Variants in PCDH9 observed in about 807,000 individuals in gnomAD.
PCDH9 encodes the protein protocadherin-9.
In PCDH9, 24 loss-of-function variants were observed where a neutral mutation model predicts 70.6. That is an observed-to-expected ratio of 0.34 (90% CI 0.25 to 0.48). The LOEUF (loss-of-function observed/expected upper bound fraction) is 0.48, where lower values mean the gene tolerates loss of function less well. Ranked by LOEUF, PCDH9 falls within the 20% of genes least tolerant of loss-of-function variation. The probability of loss-of-function intolerance (pLI) is 0.99; values close to 1 mark genes in which losing one functional copy is unlikely to be tolerated. For synonymous variants in PCDH9, 562 were observed against 558.5 expected (o/e 1.01, Z -0.09); for missense variants, 1,281 against 1,503.6 (o/e 0.85, Z 2.45).
intron 2 of PCDH9, among the ~76,000 whole-genome samples, chr13:67,109,596 A>C (rs576522879): frequency 3.9e-5 from 6 of 152,026 alleles, no homozygotes; most frequent in Non-Finnish European, 8.8e-5. Flanking sequence ...ATTTATGCTA[A>C]CTATTTGAAT....
At chr13:66,876,443 G>A (rs1054327554) in intron 3 of PCDH9, among the ~76,000 whole-genome samples, 1 of 151,964 alleles carries the variant, frequency 6.6e-6, no homozygotes, top group Non-Finnish European at 1.5e-5. Flanking sequence ...ATTCAAATCC[G>A]ATTTATTGAC....
intron 2 of PCDH9, among the ~76,000 whole-genome samples, chr13:67,180,066 C>A (rs775782574): frequency 2.0e-5 from 3 of 151,728 alleles, no homozygotes; most frequent in African/African-American, 4.9e-5. Context: ...TAGAAAATAT[C>A]TCTTAGAATT....
At chr13:66,361,095 TAA>T (rs1322730669) in intron 4 of PCDH9, among the ~76,000 whole-genome samples, 4 of 152,106 alleles carry the variant, frequency 2.6e-5, no homozygotes, top group Non-Finnish European at 5.9e-5. Flanking sequence ...GTGTTTCTAT[TAA>T]GTCAGTGGGG....
intron 3 of PCDH9, among the ~76,000 whole-genome samples, chr13:66,701,004 C>T (rs1267399440): frequency 1.6e-5 from 2 of 127,932 alleles, no homozygotes; most frequent in Non-Finnish European, 3.2e-5. Context: ...AATTTAGAGG[C>T]CTTTTTCTCC....
chr13:66,588,437 G>A (rs1240863892), intron 4 of PCDH9, among the ~76,000 whole-genome samples: 10 of 151,454 alleles, frequency 6.6e-5, no homozygotes. Context: ...TTTGCCCATC[G>A]GCTTTTTACT....
intron 3 of PCDH9, among the ~76,000 whole-genome samples, chr13:66,698,909 TTTTTTTTTG>T (rs1247906857): frequency 4.0e-5 from 5 of 124,342 alleles, no homozygotes; most frequent in African/African-American, 5.4e-5. Context: ...TTTTTTTTTT[TTTTTTTTTG>T]TTGTTGTTGT....
chr13:67,080,490 C>T (rs1464993243), intron 2 of PCDH9, among the ~76,000 whole-genome samples: 9 of 152,102 alleles, frequency 5.9e-5, no homozygotes, highest in African/African-American at 2.2e-4. Flanking sequence ...TCTACAATAG[C>T]AACATTTTGG....
intron 4 of PCDH9, among the ~76,000 whole-genome samples, chr13:66,386,230 A>T (rs945019307): frequency 6.6e-6 from 1 of 152,162 alleles, no homozygotes; most frequent in African/African-American, 2.4e-5. Context: ...ATTTTATGAT[A>T]CTGACCTTCA....
At chr13:66,386,451 G>A (rs1033783194) in intron 4 of PCDH9, among the ~76,000 whole-genome samples, 1 of 152,070 alleles carries the variant, frequency 6.6e-6, no homozygotes, top group African/African-American at 2.4e-5. Context: ...ATTAAGTTTA[G>A]GTGGATGAAT....
chr13:67,062,606 T>C (rs1477610246), intron 2 of PCDH9, among the ~76,000 whole-genome samples: 1 of 152,194 alleles, frequency 6.6e-6, no homozygotes, highest in African/African-American at 2.4e-5. Flanking sequence ...AATTGTGTGT[T>C]CTGTACAACA....
intron 3 of PCDH9, among the ~76,000 whole-genome samples, chr13:66,736,094 T>A (rs2079144566): frequency 6.6e-6 from 1 of 152,196 alleles, no homozygotes. Context: ...TATCTTTCAT[T>A]ATCTATTAAT....
chr13:66,919,750 A>G lies in PCDH9; in HGVS notation c.3037-16145T>C, dbSNP rs151163880. On this transcript the variant is annotated intron_variant, in intron 2 of 4. Coordinates refer to ENST00000377865, the MANE Select transcript of PCDH9 (RefSeq NM_203487.3). ...AGGCCTCAATCTCCCTATGGGGATA[A>G]AAAACCCTCTTCTGCCTGTCAAGGA... Among the ~76,000 whole-genome samples, 778 of 151,266 alleles carry G rather than the reference A, an allele frequency of 5.1e-3. 4 individuals are homozygous for G. Among genetic ancestry groups the G allele is most frequent in the Non-Finnish European group, 5.4e-3 (364 of 67,354 alleles).
intron 4 of PCDH9, among the ~76,000 whole-genome samples, chr13:66,444,764 T>C (rs916208078): frequency 3.3e-5 from 5 of 152,080 alleles, no homozygotes; most frequent in African/African-American, 9.7e-5. Context: ...TTTCACCATG[T>C]TGGCCAGGCT....
At chr13:66,885,011 T>C (rs2081984184) in intron 3 of PCDH9, among the ~76,000 whole-genome samples, 1 of 152,190 alleles carries the variant, frequency 6.6e-6, no homozygotes, top group African/African-American at 2.4e-5. Context: ...TCTCTCCTGA[T>C]AGTGTACTCC....
chr13:66,635,177 G>T (rs1426395940), intron 3 of PCDH9, among the ~76,000 whole-genome samples: 2 of 152,068 alleles, frequency 1.3e-5, no homozygotes, highest in African/African-American at 2.4e-5. Flanking sequence ...CTCCAGAGCT[G>T]GGCAGTTACA....
chr13:66,380,278 A>G (rs1311309311), intron 4 of PCDH9, among the ~76,000 whole-genome samples: 1 of 152,166 alleles, frequency 6.6e-6, no homozygotes, highest in Non-Finnish European at 1.5e-5. Flanking sequence ...AGGTAAAATA[A>G]TAGCTATGTT....
chr13:66,625,616 T>C (rs962691540), intron 4 of PCDH9, among the ~76,000 whole-genome samples: 15 of 151,910 alleles, frequency 9.9e-5, no homozygotes, highest in Non-Finnish European at 1.6e-4. Flanking sequence ...TATATACATA[T>C]ATGTATTCCT....
intron 3 of PCDH9, among the ~76,000 whole-genome samples, chr13:66,655,974 T>C (rs1407753192): frequency 6.6e-6 from 1 of 152,174 alleles, no homozygotes; most frequent in African/African-American, 2.4e-5. Flanking sequence ...GCTGAAGTAA[T>C]TGCACTCAAG....
intron 3 of PCDH9, among the ~76,000 whole-genome samples, chr13:66,750,111 TA>T (rs1271442972): frequency 6.6e-6 from 1 of 151,772 alleles, no homozygotes; most frequent in Non-Finnish European, 1.5e-5. Flanking sequence ...ACACACACAA[TA>T]AAAAAATGAG....
Sources: allele counts gnomAD v4.1 joint callset (sites outside exome capture counted in the v4.1 genomes callset), GRCh38; gene constraint gnomAD v4.1.1; transcripts MANE v1.5; gene names NCBI Gene and HGNC (gene_info 2026-07-23, HGNC 2026-07-21).